The following UBE2V2 variants were observed in gnomAD, a reference collection of about 807,000 sequenced individuals.
The protein encoded by UBE2V2 is ubiquitin-conjugating enzyme E2 variant 2.
A neutral mutation model predicts 17.2 loss-of-function variants in UBE2V2; 9 were observed. That is an observed-to-expected ratio of 0.52 (90% CI 0.32 to 0.91). The LOEUF (loss-of-function observed/expected upper bound fraction) is 0.91. Ranked by LOEUF, UBE2V2 falls within the 40% of genes least tolerant of loss-of-function variation. The pLI is 0.04. For missense variants in UBE2V2, 133 were observed against 182.6 expected (o/e 0.73, Z 1.56); for synonymous variants, 61 against 57.5 (o/e 1.06, Z -0.28).
At chr8:48,014,345 T>G (rs1366276917) in intron 1 of UBE2V2, among the ~76,000 whole-genome samples, 1 of 152,076 alleles carries the variant, frequency 6.6e-6, no homozygotes, top group Non-Finnish European at 1.5e-5. Context: ...TCTCCCTGTT[T>G]AGAAATATGC....
rs1295708085 is a variant in UBE2V2, at chr8:48,061,591, T to C, written c.*763T>C. ...CTCAGAGACTGTGCCATTTCTATTA[T>C]GTTGATGTATATGTACAGTACCTTG... On this transcript the variant is annotated 3_prime_UTR_variant, in exon 4 of 4. Transcript: ENST00000523111. 6.6e-6 allele frequency: 1 copy of C among 152,636 alleles called. No individual in the cohort carries two copies. The highest frequency in any genetic ancestry group is 2.4e-5 in the African/African-American group (1 of 41,470). The allele number at this position is 152,636 out of a possible 1,614,324, so 9.5% of individuals were successfully genotyped here.
intron 1 of UBE2V2, among the ~76,000 whole-genome samples, chr8:48,022,178 C>T (rs147338104): frequency 4.2e-4 from 63 of 150,954 alleles, no homozygotes; most frequent in African/African-American, 1.5e-3. Flanking sequence ...GTTCTTGTCA[C>T]CCAGGCTGGA....
At chr8:47,999,344 T>C in the UBE2V2 span, among the ~76,000 whole-genome samples, 1 of 151,798 alleles carries the variant, frequency 6.6e-6, no homozygotes. Context: ...GAGGAATTCA[T>C]AAGTAATTAG....
Position 48,024,019 on chromosome 8 carries a change from A to C in UBE2V2, c.16+15549A>C, listed in dbSNP as rs1483508529. ...TCAGGACTGGGTTTGGGAGTGCTTT[A>C]TTCTTGTTTATAAAGTCTTAGCTGA... On this transcript the variant is annotated intron_variant, in intron 1 of 3. Coordinates refer to ENST00000523111, the MANE Select transcript of UBE2V2 (RefSeq NM_003350.3). 2.6e-5 allele frequency among the ~76,000 whole-genome samples: 4 copies of C among 152,142 alleles called. No individual in the cohort carries two copies. The East Asian group carries it at 7.7e-4, about 29-fold the overall frequency.
intron 2 of UBE2V2, among the ~76,000 whole-genome samples, chr8:48,046,365 G>A (rs906312224): frequency 3.9e-4 from 60 of 152,140 alleles, no homozygotes; most frequent in Admixed American, 1.1e-3. Context: ...TGATCCACCC[G>A]CCTCGGCCTC....
intron 3 of UBE2V2, among the ~76,000 whole-genome samples, chr8:48,054,940 T>C (rs2154508098): frequency 6.6e-6 from 1 of 152,214 alleles, no homozygotes. Context: ...TTTTTTTTTT[T>C]CTGCACCCTG....
rs188364295 is a variant in UBE2V2 at position 48,055,949 on chromosome 8, G to A, written c.292-4733G>A. Among the ~76,000 whole-genome samples the A allele has an allele frequency of 3.4e-3, 517 of 152,098 alleles. 1 individual carries two copies. The highest frequency in any genetic ancestry group is 5.6e-3 in the Non-Finnish European group (381 of 67,966). On this transcript the variant is annotated intron_variant, in intron 3 of 3. Transcript: ENST00000523111. ...AATTTTTTGTATTTTTAGTAGAGAC[G>A]GGGTTTCACTGTGTTAGCCAGGATG...
Position 48,031,126 on chromosome 8 carries a change from T to C in UBE2V2, c.17-11907T>C, listed in dbSNP as rs192891405. The stretch of plus-strand genomic sequence containing the variant: ...TCGGAGGCTGAGCCAGGAGAAGCAC[T>C]TGAACCTGGGAGGCAGAGGTTGCAG... On this transcript the variant is annotated intron_variant, in intron 1 of 3. Transcript: ENST00000523111. Among the ~76,000 whole-genome samples the C allele has an allele frequency of 2.1e-3, 323 of 152,084 alleles. 1 individual carries two copies. Among genetic ancestry groups the C allele is most frequent in the African/African-American group, 7.6e-3 (314 of 41,494 alleles).
chr8:48,052,823 G>A (rs2091547783), intron 3 of UBE2V2, among the ~76,000 whole-genome samples: 1 of 152,174 alleles, frequency 6.6e-6, no homozygotes, highest in South Asian at 2.1e-4. Flanking sequence ...CTTTCGTTTG[G>A]TCTCAAGACC....
At chr8:48,003,673 G>A (rs1036635247), upstream of UBE2V2, among the ~76,000 whole-genome samples, 4 of 152,172 alleles carry the variant, frequency 2.6e-5, no homozygotes, top group African/African-American at 7.2e-5. Context: ...ATGTTACAGA[G>A]AGAACATATT....
chr8:48,009,128 A>G (rs189238417), intron 1 of UBE2V2, among the ~76,000 whole-genome samples: 32 of 152,286 alleles, frequency 2.1e-4, no homozygotes, highest in East Asian at 1.9e-4. Flanking sequence ...ACTGAATACA[A>G]TGTTTGGTTT....
chr8:48,028,648 A>G (rs1198359435), intron 1 of UBE2V2, among the ~76,000 whole-genome samples: 1 of 150,270 alleles, frequency 6.7e-6, no homozygotes, highest in Non-Finnish European at 1.5e-5. Context: ...CAACACAGCT[A>G]ATTTTTTTTG....
At chr8:48,052,674 G>A (rs1563859869) in intron 3 of UBE2V2, among the ~76,000 whole-genome samples, 1 of 152,174 alleles carries the variant, frequency 6.6e-6, no homozygotes, top group Non-Finnish European at 1.5e-5. Context: ...AAAGTTAGCA[G>A]CCAGAGGGAT....
At chr8:47,997,927 G>GGGTGA in the UBE2V2 span, among the ~76,000 whole-genome samples, 1 of 151,948 alleles carries the variant, frequency 6.6e-6, no homozygotes. Context: ...TCATCGGCTG[G>GGGTGA]GGCTATTGGG....
At chr8:48,019,821 A>T (rs1301215584) in intron 1 of UBE2V2, among the ~76,000 whole-genome samples, 2 of 152,106 alleles carry the variant, frequency 1.3e-5, no homozygotes, top group African/African-American at 2.4e-5. Context: ...TTTCAAAAAA[A>T]AAAATTAGCC....
At chr8:48,001,869 C>T in the UBE2V2 span, among the ~76,000 whole-genome samples, 2 of 152,170 alleles carry the variant, frequency 1.3e-5, no homozygotes, top group African/African-American at 4.8e-5. Context: ...GCGGGTGGAT[C>T]ACTTGAGGTC....
chr8:48,034,346 C>T (rs1042236580), intron 1 of UBE2V2, among the ~76,000 whole-genome samples: 3 of 152,156 alleles, frequency 2.0e-5, no homozygotes, highest in East Asian at 1.9e-4. Flanking sequence ...AGGCTGGTCT[C>T]GAACTCCTGA....
intron 1 of UBE2V2, among the ~76,000 whole-genome samples, chr8:48,019,699 C>T (rs893652924): frequency 2.4e-4 from 36 of 151,834 alleles, no homozygotes; most frequent in Non-Finnish European, 4.1e-4. Context: ...CCTGTAATCC[C>T]AGCTACTCAG....
At chr8:48,031,148 G>A (rs184525553) in intron 1 of UBE2V2, among the ~76,000 whole-genome samples, 12 of 152,250 alleles carry the variant, frequency 7.9e-5, no homozygotes, top group Non-Finnish European at 1.5e-4. Flanking sequence ...GGCAGAGGTT[G>A]CAGTGAGCTG....
Sources: gnomAD v4.1 joint callset for allele counts (sites outside exome capture counted in the v4.1 genomes callset) on GRCh38, gnomAD v4.1.1 for gene constraint, MANE v1.5 for transcripts, NCBI Gene and HGNC (gene_info 2026-07-23, HGNC 2026-07-21) for gene names.